The following NID1 variants were observed in gnomAD, a reference collection of about 807,000 sequenced individuals.
The protein encoded by NID1 is nidogen-1.
Under a neutral mutation model 130.6 loss-of-function variants are expected in NID1, and 76 were observed. The observed-to-expected ratio is 0.58, with a 90% confidence interval of 0.48 to 0.70. NID1 has a LOEUF of 0.70. Ranked by LOEUF, NID1 falls within the 30% of genes least tolerant of loss-of-function variation. NID1 has a pLI of 0.00. For synonymous variants in NID1, 665 were observed against 675.1 expected (o/e 0.98, Z 0.23); for missense variants, 1,517 against 1,664.8 (o/e 0.91, Z 1.54).
chr1:236,045,713 C>T (rs972169740), intron 2 of NID1, 30 bp from the exon 3 acceptor site: 21 of 1,532,102 alleles, frequency 1.4e-5, no homozygotes, highest in Middle Eastern at 3.4e-4. Flanking sequence ...TTCAGTTACT[C>T]GGAAAAATAT....
intron 13 of NID1, among the ~76,000 whole-genome samples, chr1:235,992,364 C>T (rs1458063771): frequency 6.6e-6 from 1 of 152,218 alleles, no homozygotes; most frequent in African/African-American, 2.4e-5. Flanking sequence ...CTCCCCCCGC[C>T]AGGGACTGTC....
At chr1:236,052,499 C>T (rs1201069642) in intron 1 of NID1, among the ~76,000 whole-genome samples, 1 of 152,188 alleles carries the variant, frequency 6.6e-6, no homozygotes, top group Admixed American at 6.5e-5. Context: ...GGTCCTGGTT[C>T]CTTCCTCTTT....
intron 9 of NID1, among the ~76,000 whole-genome samples, chr1:236,020,842 C>T (rs1396166970): frequency 6.6e-6 from 1 of 152,198 alleles, no homozygotes; most frequent in Non-Finnish European, 1.5e-5. Context: ...TAAGTCAGAA[C>T]AACCACTCAC....
At chr1:236,064,637 C>T (rs759187172) in intron 1 of NID1, 2 of 591,212 alleles carry the variant, frequency 3.4e-6, no homozygotes, top group South Asian at 3.4e-5. Context: ...CGCGCGGAGC[C>T]ACCCAGACCC....
At position 235,976,485 on chromosome 1, in the gene NID1, T is replaced by A. The variant is rs1412093930; in HGVS notation, c.*1382A>T. 3 of 152,204 alleles carry A rather than the reference T, an allele frequency of 2.0e-5. No individual in the cohort carries two copies. The highest frequency in any genetic ancestry group is 7.2e-5 in the African/African-American group (3 of 41,458). 9.4% of individuals were successfully genotyped at this position (152,204 alleles called of 1,614,324 possible). A position where few individuals can be genotyped will look rare whatever the true frequency, so the allele number is the denominator to read the frequency against. On this transcript the variant is annotated 3_prime_UTR_variant, in exon 20 of 20. Transcript: ENST00000264187. ...TTATTTCTCTTGTTGATCAATCTCT[T>A]TTTTGTGATACTTTTCATTGAATCA...
chr1:236,049,750 G>A (rs1374502660), intron 1 of NID1, among the ~76,000 whole-genome samples: 1 of 152,068 alleles, frequency 6.6e-6, no homozygotes, highest in African/African-American at 2.4e-5. Flanking sequence ...TTAAGACTAG[G>A]TACTACTGGC....
At chr1:235,998,376 T>C (rs1657986611) in intron 12 of NID1, among the ~76,000 whole-genome samples, 1 of 152,076 alleles carries the variant, frequency 6.6e-6, no homozygotes, top group Non-Finnish European at 1.5e-5. Flanking sequence ...GCCATCTGGT[T>C]AGAATAAAAA....
At chr1:235,990,120 C>T (rs1039158329) in intron 14 of NID1, among the ~76,000 whole-genome samples, 1 of 152,098 alleles carries the variant, frequency 6.6e-6, no homozygotes, top group African/African-American at 2.4e-5. Flanking sequence ...ATGTTTCCTC[C>T]CTGGTCCCAA....
chr1:236,055,028 C>T (rs1021324135), intron 1 of NID1, among the ~76,000 whole-genome samples: 8 of 151,228 alleles, frequency 5.3e-5, no homozygotes, highest in Admixed American at 2.0e-4. Flanking sequence ...TTCAGGGCCG[C>T]GTGCGGTGGC....
At chr1:236,013,710 G>A in intron 10 of NID1, 150 bp from the exon 11 acceptor site, 1 of 869,620 alleles carries the variant, frequency 1.1e-6, no homozygotes, top group Non-Finnish European at 1.8e-6. Flanking sequence ...TCCTCACTGG[G>A]CTGGTACTAC....
chr1:235,979,069 T>C lies in NID1; in HGVS notation c.3548A>G (p.Glu1183Gly). The C allele has an allele frequency of 6.2e-7, 1 of 1,614,092 alleles. No homozygotes were observed. The highest frequency in any genetic ancestry group is 8.5e-7 in the Non-Finnish European group (1 of 1,179,998). ...VVALDLAISKETDAFQPHKQT... is the reference protein window; with the variant it reads ...VVALDLAISKGTDAFQPHKQT... ...CTTGTGGGGTTGGAAAGCATCCGTC[T>C]CCTTGGAAATTGCAAGATCGAGAGC... The change falls in exon 19 of 20, where the codon GAG (glutamate) becomes GGG (glycine). Residue 1183 changes from glutamate to glycine, a missense_variant. Glu to Gly is a moderately conservative substitution (Grantham distance 98). Around this residue, in one of 3 missense-constraint regions of NID1, gnomAD observed 181 missense variants for 211.3 expected, o/e 0.86. Coordinates refer to ENST00000264187, the MANE Select transcript of NID1 (RefSeq NM_002508.3). The surrounding 1 kb of genome is among the most constrained non-coding windows in gnomAD (Gnocchi z 4.6).
At chr1:236,037,674 T>G (rs1194989062) in intron 5 of NID1, among the ~76,000 whole-genome samples, 1 of 146,252 alleles carries the variant, frequency 6.8e-6, no homozygotes, top group East Asian at 2.1e-4. Flanking sequence ...AAAAAAAACA[T>G]AGGTCTGTGA....
At chr1:235,991,589 T>C (rs761069243) in intron 13 of NID1, among the ~76,000 whole-genome samples, 1 of 152,058 alleles carries the variant, frequency 6.6e-6, no homozygotes, top group Non-Finnish European at 1.5e-5. Flanking sequence ...CACCTAGGTC[T>C]CCCAAAGTGC....
chr1:236,039,640 A>G (rs2102838200), intron 4 of NID1, among the ~76,000 whole-genome samples: 1 of 152,364 alleles, frequency 6.6e-6, no homozygotes, highest in South Asian at 2.1e-4. Context: ...AATGAAATTC[A>G]AAAGCACAAG....
intron 4 of NID1, 134 bp from the exon 5 acceptor site, chr1:236,038,387 A>G (rs1659326398): frequency 6.0e-6 from 5 of 835,892 alleles, no homozygotes; most frequent in African/African-American, 1.7e-5. Flanking sequence ...CAGGCTCACT[A>G]CAGAAGATTA....
chr1:236,022,467 A>T (rs1425488077), intron 9 of NID1, among the ~76,000 whole-genome samples: 1 of 150,752 alleles, frequency 6.6e-6, no homozygotes. Flanking sequence ...CCTACTCCCA[A>T]GTAGCTGGGA....
At position 236,029,605 on chromosome 1, in the gene NID1, G is replaced by C. The variant is rs554596959; in HGVS notation, c.1683C>G (p.Phe561Leu). ...AGGGCTCAATGTGCACGGAGGAGCC[G>C]AACGGAATCTGCGGCACGCGGCCCT... is the stretch of plus-strand genomic sequence containing the variant. ...ELEGRVPQIP[F>L]GSSVHIEPYT... The change falls in exon 7 of 20, where the codon TTC (phenylalanine) becomes TTG (leucine). Residue 561 changes from phenylalanine to leucine, a missense_variant. This residue lies in a region of NID1 where 1,329 missense variants were observed against 1,429.2 expected (regional missense o/e 0.93). Coordinates refer to ENST00000264187, the MANE Select transcript of NID1 (RefSeq NM_002508.3). 3.1e-6 allele frequency: 5 copies of C among 1,597,698 alleles called. No individual in the cohort carries two copies. Among genetic ancestry groups the C allele is most frequent in the Non-Finnish European group, 4.3e-6 (5 of 1,172,354 alleles).
intron 2 of NID1, among the ~76,000 whole-genome samples, chr1:236,046,817 A>C (rs1659614953): frequency 6.6e-6 from 1 of 152,246 alleles, no homozygotes; most frequent in African/African-American, 2.4e-5. Flanking sequence ...GACAGATAAC[A>C]GTTGGCAAGC....
chr1:236,053,347 T>C (rs1490859684), intron 1 of NID1, among the ~76,000 whole-genome samples: 3 of 152,184 alleles, frequency 2.0e-5, no homozygotes, highest in Admixed American at 6.5e-5. Flanking sequence ...GGTTTAGTTA[T>C]GCATGTTTAG....
Sources: gnomAD v4.1 joint callset for allele counts (sites outside exome capture counted in the v4.1 genomes callset) on GRCh38, gnomAD v4.1.1 for gene constraint, gnomAD v4.1.1 regional missense constraint, Gnocchi (gnomAD v3.1) non-coding constraint, MANE v1.5 for transcripts, NCBI Gene and HGNC (gene_info 2026-07-23, HGNC 2026-07-21) for gene names.